H2AZ1: variants seen among roughly 807,000 people sequenced by gnomAD.
The protein encoded by H2AZ1 is histone H2A.Z.
H2AZ1 carries 3 observed loss-of-function variants against 16.6 expected under a neutral mutation model. The observed-to-expected ratio is 0.18, with a 90% CI of 0.08 to 0.47. The LOEUF (loss-of-function observed/expected upper bound fraction) is 0.47, where lower values mean the gene tolerates loss of function less well. Ranked by LOEUF, H2AZ1 falls within the 20% of genes least tolerant of loss-of-function variation. The probability of loss-of-function intolerance (pLI) is 0.98; values close to 1 mark genes in which losing one functional copy is unlikely to be tolerated. For synonymous variants in H2AZ1, 78 were observed against 60.7 expected (o/e 1.28, Z -1.32); for missense variants, 27 against 163.6 (o/e 0.17, Z 4.55).
intron 1 of H2AZ1, 52 bp from the exon 2 acceptor site, chr4:99,949,792 AC>A (rs1176424675): frequency 3.5e-6 from 5 of 1,411,294 alleles, no homozygotes; most frequent in Non-Finnish European, 4.9e-6. Context: ...ATATAGAATT[AC>A]CAAGGCGGCG....
intron 1 of H2AZ1, 81 bp from the exon 2 acceptor site, chr4:99,949,821 GGCGCGTCCCGCC>G: frequency 3.5e-6 from 4 of 1,141,166 alleles, no homozygotes; most frequent in Non-Finnish European, 3.7e-6. Context: ...CCCCCACCGC[GGCGCGTCCCGCC>G]GCGAGCGCGT....
chr4:99,948,587 A>C (rs1014484068), intron 4 of H2AZ1, 64 bp from the exon 5 acceptor site: 1 of 1,596,290 alleles, frequency 6.3e-7, no homozygotes, highest in South Asian at 1.1e-5. Context: ...ATTTGAAACC[A>C]AGAAAGTGTA....
rs780215555 is a variant in H2AZ1 at position 99,949,591 on chromosome 4, A to G, written c.81+72T>C. The G allele has an allele frequency of 2.1e-6, 3 of 1,417,776 alleles. No individual in the cohort carries two copies. The Admixed American group carries it at 5.0e-5, about 24-fold the overall frequency. The allele number at this position is 1,417,776 out of a possible 1,614,324, so 87.8% of individuals were successfully genotyped here. A position where few individuals can be genotyped will look rare whatever the true frequency, so the allele number is the denominator to read the frequency against. On this transcript the variant is annotated intron_variant, in intron 2 of 4. Coordinates refer to ENST00000296417, the MANE Select transcript of H2AZ1 (RefSeq NM_002106.4). ...ACGCATACACAAAACGCCCATCGAG[A>G]GCGATGAATAACAAAAAAGGAAATG...
Position 99,949,252 on chromosome 4 carries a change from TA to T in H2AZ1, c.195+20del, listed in dbSNP as rs1223210083. On this transcript the variant is annotated intron_variant, in intron 3 of 4. Transcript: ENST00000296417. ...CCCGCCCCCCAAACCTTCTCCGGATTATAGGCGTTCACCCATTTACCTCTGC... is the reference window on the plus strand; with the variant it reads ...CCCGCCCCCCAAACCTTCTCCGGATTTAGGCGTTCACCCATTTACCTCTGC... 3 of 1,412,194 alleles carry T rather than the reference TA, an allele frequency of 2.1e-6. No homozygotes were observed. The highest frequency in any genetic ancestry group is 2.0e-6 in the Non-Finnish European group (2 of 1,004,306). The allele number at this position is 1,412,194 out of a possible 1,614,324, so 87.5% of individuals were successfully genotyped here.
At position 99,950,198 on chromosome 4, in the gene H2AZ1, C is replaced by G; in HGVS notation, c.-28G>C. 1.9e-6 allele frequency: 3 copies of G among 1,606,116 alleles called. No individual in the cohort carries two copies. In the South Asian group the frequency reaches 3.3e-5, roughly 18 times the overall value. On this transcript the variant is annotated 5_prime_UTR_variant, in exon 1 of 5. Coordinates refer to ENST00000296417, the MANE Select transcript of H2AZ1 (RefSeq NM_002106.4). ...CGAATTCCGCTGAAGCTCAAGCAAG[C>G]AAGGCAGAGAAAAGGCTAATCGGAC...
chr4:99,949,693 C>T lies in H2AZ1; in HGVS notation c.51G>A (p.Ala17=), dbSNP rs899846176. ...AGCCGGCTCTCTGCGAGCGGGAAAC[C>T]GCCTTTGTCTTGGCCTTTCCGGAGT... The part of the protein sequence containing the change: ...GKDSGKAKTK[A]VSRSQRAGLQ... The change falls in exon 2 of 5, where the codon GCG becomes GCA. Residue 17 remains alanine, a synonymous_variant. Coordinates refer to ENST00000296417, the MANE Select transcript of H2AZ1 (RefSeq NM_002106.4). 4.6e-5 allele frequency: 75 copies of T among 1,613,992 alleles called. No homozygotes were observed. The Middle Eastern group carries it at 4.9e-4, about 11-fold the overall frequency.
chr4:99,949,182 T>G lies in H2AZ1; in HGVS notation c.195+91A>C, dbSNP rs1261808478. Reference sequence around the variant, plus strand: ...TAGGCCTCTCGCCGCGTTCAGGGCCTGGGAGTTTTCTTGCATCACTTTCCT... The same window carrying G: ...TAGGCCTCTCGCCGCGTTCAGGGCCGGGGAGTTTTCTTGCATCACTTTCCT... On this transcript the variant is annotated intron_variant, in intron 3 of 4. Coordinates refer to ENST00000296417, the MANE Select transcript of H2AZ1 (RefSeq NM_002106.4). 7.8e-6 allele frequency: 6 copies of G among 772,946 alleles called. No individual in the cohort carries two copies. In the African/African-American group the frequency reaches 1.0e-4, roughly 14 times the overall value. 47.9% of individuals were successfully genotyped at this position (772,946 alleles called of 1,614,324 possible). A position where few individuals can be genotyped will look rare whatever the true frequency, so the allele number is the denominator to read the frequency against.
At chr4:99,950,065 G>C (rs577918139) in intron 1 of H2AZ1, 103 bp downstream of exon 1, 2 of 1,101,380 alleles carry the variant, frequency 1.8e-6, no homozygotes, top group Admixed American at 3.9e-5. Flanking sequence ...CTGTCTCCGC[G>C]CGTTCCCAAC....
intron 3 of H2AZ1, 80 bp downstream of exon 3, chr4:99,949,193 T>G: frequency 1.2e-6 from 1 of 839,882 alleles, no homozygotes; most frequent in Non-Finnish European, 1.9e-6. Context: ...GGGAGTTTTC[T>G]TGCATCACTT....
chr4:99,949,103 G>A (rs995291245), intron 3 of H2AZ1, 163 bp from the exon 4 acceptor site: 7 of 674,448 alleles, frequency 1.0e-5, no homozygotes, highest in African/African-American at 5.4e-5. Flanking sequence ...CAAGAGCAGA[G>A]AACTCAAGCT....
intron 1 of H2AZ1, 70 bp from the exon 2 acceptor site, chr4:99,949,810 T>C (rs907477881): frequency 8.2e-7 from 1 of 1,221,596 alleles, no homozygotes; most frequent in Non-Finnish European, 1.1e-6. Flanking sequence ...GGCGCGCCCA[T>C]CCCCCACCGC....
chr4:99,949,818 C>A (rs1406179090), intron 1 of H2AZ1, 78 bp from the exon 2 acceptor site: 36 of 1,164,528 alleles, frequency 3.1e-5, no homozygotes, highest in Non-Finnish European at 3.9e-5. Context: ...CATCCCCCAC[C>A]GCGGCGCGTC....
At chr4:99,949,801 G>A in intron 1 of H2AZ1, 61 bp from the exon 2 acceptor site, 2 of 1,342,480 alleles carry the variant, frequency 1.5e-6, no homozygotes. Context: ...TACCAAGGCG[G>A]CGCGCCCATC....
chr4:99,948,594 T>C, intron 4 of H2AZ1, 71 bp from the exon 5 acceptor site: 1 of 1,584,722 alleles, frequency 6.3e-7, no homozygotes, highest in Non-Finnish European at 8.6e-7. Flanking sequence ...ACCAAGAAAG[T>C]GTATACTGTT....
At chr4:99,949,435 G>C (rs373436350) in intron 2 of H2AZ1, 49 bp from the exon 3 acceptor site, 3 of 1,258,530 alleles carry the variant, frequency 2.4e-6, no homozygotes, top group African/African-American at 1.5e-5. Flanking sequence ...ATGAGAACTA[G>C]AGATGGGGAA....
At chr4:99,949,514 T>TC (rs751578214) in intron 2 of H2AZ1, 128 bp from the exon 3 acceptor site, 38 of 974,378 alleles carry the variant, frequency 3.9e-5, no homozygotes, top group East Asian at 9.6e-5. Context: ...ACGTGATTCC[T>TC]CCCCCCCATA....
At position 99,948,955 on chromosome 4, in the gene H2AZ1, C is replaced by G. The variant is rs778892566; in HGVS notation, c.196-15G>C. ...AGTTCAAGTACCTAAAAGGCAGAATCTGTCAGTTGCCTTCCAACTTTCCTT... is the reference window on the plus strand; with the variant it reads ...AGTTCAAGTACCTAAAAGGCAGAATGTGTCAGTTGCCTTCCAACTTTCCTT... On this transcript the variant is annotated splice_polypyrimidine_tract_variant and intron_variant, in intron 3 of 4. Transcript: ENST00000296417. 2.1e-6 allele frequency: 3 copies of G among 1,442,576 alleles called. No homozygotes were observed. Among genetic ancestry groups the G allele is most frequent in the Admixed American group, 3.4e-5 (2 of 58,766 alleles). 89.4% of individuals were successfully genotyped at this position (1,442,576 alleles called of 1,614,324 possible). A position where few individuals can be genotyped will look rare whatever the true frequency, so the allele number is the denominator to read the frequency against.
At chr4:99,949,531 G>GTTT in intron 2 of H2AZ1, 132 bp downstream of exon 2, 2 of 1,018,654 alleles carry the variant, frequency 2.0e-6, no homozygotes, top group East Asian at 4.8e-5. Flanking sequence ...CATATTTATC[G>GTTT]TATGGGCAGC....
Position 99,950,241 on chromosome 4 carries a change from C to T in H2AZ1, c.-71G>A, listed in dbSNP as rs1010134655. On this transcript the variant is annotated 5_prime_UTR_variant, in exon 1 of 5. Transcript: ENST00000296417. ...AATCGGACCCACGGTGAGATCCCAC[C>T]ACCTACTCCTTCGTCGCACCGCGAT... The T allele has an allele frequency of 1.8e-5, 26 of 1,453,406 alleles. No individual in the cohort carries two copies. In the African/African-American group the frequency reaches 2.1e-4, roughly 12 times the overall value. 90.0% of individuals were successfully genotyped at this position (1,453,406 alleles called of 1,614,324 possible).
Sources: gnomAD v4.1 joint callset for allele counts on GRCh38, gnomAD v4.1.1 for gene constraint, MANE v1.5 for transcripts, NCBI Gene and HGNC (gene_info 2026-07-23, HGNC 2026-07-21) for gene names.